Variants in SEMA3A observed in about 807,000 individuals in gnomAD.
The protein encoded by SEMA3A is semaphorin 3A.
In SEMA3A, 29 loss-of-function variants were observed where a neutral mutation model predicts 97.9. That is an observed-to-expected ratio of 0.30 (90% CI 0.22 to 0.40). The LOEUF (loss-of-function observed/expected upper bound fraction) is 0.40, where lower values mean the gene tolerates loss of function less well. Ranked by LOEUF, SEMA3A falls within the 10% of genes least tolerant of loss-of-function variation. The pLI is 1.00. For missense variants in SEMA3A, 763 were observed against 951.3 expected, an observed-to-expected ratio of 0.80 and a Z score of 2.60; for synonymous variants, 321 against 323.7, an observed-to-expected ratio of 0.99 and a Z score of 0.09.
At chr7:84,065,468 A>G (rs1793441509) in intron 4 of SEMA3A, among the ~76,000 whole-genome samples, 1 of 151,432 alleles carries the variant, frequency 6.6e-6, no homozygotes, top group Admixed American at 6.6e-5. Flanking sequence ...TCCAAAAATT[A>G]ATGAATCCAG....
chr7:84,317,213 G>C (rs572131980), intron 2 of SEMA3A, among the ~76,000 whole-genome samples: 15 of 152,070 alleles, frequency 9.9e-5, no homozygotes, highest in Non-Finnish European at 1.9e-4. Context: ...ACAAAACTGG[G>C]TCACTAATGG....
At chr7:84,348,343 A>T (rs1261124209) in intron 2 of SEMA3A, among the ~76,000 whole-genome samples, 1 of 152,162 alleles carries the variant, frequency 6.6e-6, no homozygotes, top group Non-Finnish European at 1.5e-5. Flanking sequence ...GTTTTCCCTC[A>T]GTAGATTACA....
At position 83,999,899 on chromosome 7, in the gene SEMA3A, G is replaced by A. The variant is rs116584117; in HGVS notation, c.1452+2056C>T. 3.0e-3 allele frequency among the ~76,000 whole-genome samples: 464 copies of A among 152,220 alleles called. 2 individuals are homozygous for A. Among genetic ancestry groups the A allele is most frequent in the African/African-American group, 0.01 (432 of 41,548 alleles). On this transcript the variant is annotated intron_variant, in intron 12 of 16. Coordinates refer to ENST00000265362, the MANE Select transcript of SEMA3A (RefSeq NM_006080.3). ...GAATAATATGGTGCAGAATCAGGAT[G>A]ATAACTTGTGACTGTTCCTAGTTTA...
At chr7:84,046,507 A>G in intron 5 of SEMA3A, 64 bp from the exon 6 acceptor site, 2 of 1,585,046 alleles carry the variant, frequency 1.3e-6, no homozygotes, top group Middle Eastern at 1.7e-4. Flanking sequence ...AAAACAAAAC[A>G]AAACAAACAA....
At chr7:84,312,668 T>C (rs934640612) in intron 2 of SEMA3A, among the ~76,000 whole-genome samples, 6 of 149,044 alleles carry the variant, frequency 4.0e-5, no homozygotes, top group Non-Finnish European at 8.9e-5. Context: ...TTTGTGTGCT[T>C]GTACACACAC....
At chr7:84,265,018 C>A (rs901525560) in intron 3 of SEMA3A, among the ~76,000 whole-genome samples, 1 of 152,120 alleles carries the variant, frequency 6.6e-6, no homozygotes, top group South Asian at 2.1e-4. Flanking sequence ...ATAGCACTAC[C>A]AATAGCACCC....
intron 1 of SEMA3A, among the ~76,000 whole-genome samples, chr7:84,159,527 T>A (rs1275762657): frequency 6.6e-6 from 1 of 152,178 alleles, no homozygotes. Flanking sequence ...GCAAAACTCC[T>A]ACATAAAGCT....
chr7:84,266,385 A>AT (rs1231068593), intron 3 of SEMA3A, among the ~76,000 whole-genome samples: 3 of 151,572 alleles, frequency 2.0e-5, no homozygotes, highest in East Asian at 3.9e-4. Context: ...ACAAGAGGCC[A>AT]TTTTAGCAAT....
At chr7:84,478,758 A>G (rs1288438770) in intron 1 of SEMA3A, among the ~76,000 whole-genome samples, 1 of 152,002 alleles carries the variant, frequency 6.6e-6, no homozygotes, top group African/African-American at 2.4e-5. Context: ...ATTTGACATT[A>G]GTTAGAAAAT....
At chr7:84,254,752 C>A (rs1799679893) in intron 3 of SEMA3A, among the ~76,000 whole-genome samples, 1 of 152,050 alleles carries the variant, frequency 6.6e-6, no homozygotes, top group South Asian at 2.1e-4. Context: ...TACCTATAAC[C>A]CTTGCTTTGT....
intron 2 of SEMA3A, among the ~76,000 whole-genome samples, chr7:84,326,338 T>A (rs1263301909): frequency 6.6e-6 from 1 of 152,124 alleles, no homozygotes. Flanking sequence ...GAGACAAATA[T>A]AAACCAAAGT....
chr7:84,250,200 G>A (rs549664083), intron 3 of SEMA3A, among the ~76,000 whole-genome samples: 1 of 150,462 alleles, frequency 6.6e-6, no homozygotes, highest in South Asian at 2.1e-4. Context: ...AATTTCTTAT[G>A]TATCACTTTA....
chr7:83,988,048 A>G (rs1174102847), intron 12 of SEMA3A, among the ~76,000 whole-genome samples: 1 of 152,118 alleles, frequency 6.6e-6, no homozygotes, highest in Non-Finnish European at 1.5e-5. Flanking sequence ...TGCTTCCTCT[A>G]ATAAACCCCA....
intron 1 of SEMA3A, among the ~76,000 whole-genome samples, chr7:84,448,160 T>C (rs565932360): frequency 2.0e-5 from 3 of 152,132 alleles, no homozygotes; most frequent in African/African-American, 7.2e-5. Flanking sequence ...GCCTGCCAGG[T>C]CGAGTTGGAG....
At chr7:84,198,546 A>C (rs2116290899), upstream of SEMA3A, among the ~76,000 whole-genome samples, 1 of 152,338 alleles carries the variant, frequency 6.6e-6, no homozygotes, top group Admixed American at 6.5e-5. Context: ...GGTATAAGTG[A>C]AATATTCTTA....
At chr7:84,489,102 A>T (rs1806654933) in intron 1 of SEMA3A, 1 of 152,464 alleles carries the variant, frequency 6.6e-6, no homozygotes, top group Non-Finnish European at 1.5e-5. Flanking sequence ...TCACAGTTCC[A>T]CATGGCTGAG....
chr7:84,492,292 A>G (rs557741048), intron 1 of SEMA3A, among the ~76,000 whole-genome samples: 1 of 152,256 alleles, frequency 6.6e-6, no homozygotes, highest in Non-Finnish European at 1.5e-5. Flanking sequence ...TTAAGTATTA[A>G]TGACAGTGCC....
Position 83,985,438 on chromosome 7 carries a change from G to T in SEMA3A, c.1492C>A (p.Gln498Lys). ...AISAMELSTKQQQLYIGSTAG... is the reference protein window; with the variant it reads ...AISAMELSTKKQQLYIGSTAG... The stretch of plus-strand genomic sequence containing the variant: ...ATGGTAATACATAATGATAGTACCT[G>T]CTTAGTGGAAAGCTCCATTGCTGAA... The change falls in exon 13 of 17, where the codon CAG (glutamine) becomes AAG (lysine). Residue 498 changes from glutamine (Q) to lysine (K), a missense_variant and splice_region_variant. Around this residue, in one of 2 missense-constraint regions of SEMA3A, gnomAD observed 678 missense variants for 881.3 expected, o/e 0.77. Coordinates refer to ENST00000265362, the MANE Select transcript of SEMA3A (RefSeq NM_006080.3). 6.2e-7 allele frequency: 1 copy of T among 1,606,896 alleles called. No homozygotes were observed. The highest frequency in any genetic ancestry group is 8.5e-7 in the Non-Finnish European group (1 of 1,174,076).
At chr7:84,259,232 T>C (rs978199764) in intron 3 of SEMA3A, among the ~76,000 whole-genome samples, 21 of 152,208 alleles carry the variant, frequency 1.4e-4, no homozygotes, top group African/African-American at 4.8e-4. Context: ...TTTTATGGGA[T>C]ACTATTTTTC....
Sources: allele counts gnomAD v4.1 joint callset (sites outside exome capture counted in the v4.1 genomes callset), GRCh38; gene constraint gnomAD v4.1.1; regional missense constraint gnomAD v4.1.1; transcripts MANE v1.5; gene names NCBI Gene and HGNC (gene_info 2026-07-23, HGNC 2026-07-21).